The following SMURF1 variants were observed in gnomAD, a reference collection of about 807,000 sequenced individuals.
SMURF1 encodes the protein SMAD specific E3 ubiquitin protein ligase 1, also known as E3 ubiquitin-protein ligase SMURF1.
SMURF1 carries 44 observed loss-of-function variants against 98.0 expected under a neutral mutation model. The ratio of observed to expected loss-of-function variants is 0.45; its 90% confidence interval spans 0.35 to 0.58. The LOEUF is 0.58. SMURF1 is among the 20% of genes least tolerant of loss of function. The pLI, the probability that SMURF1 is intolerant of heterozygous loss-of-function variation, is 0.00. For missense variants in SMURF1, 687 were observed against 938.4 expected (o/e 0.73, Z 3.50); for synonymous variants, 396 against 374.9 (o/e 1.06, Z -0.65).
intron 1 of SMURF1, among the ~76,000 whole-genome samples, chr7:99,120,365 G>A (rs1797582109): frequency 6.6e-6 from 1 of 151,978 alleles, no homozygotes; most frequent in Admixed American, 6.5e-5. Flanking sequence ...ACAGGCATCA[G>A]ACAAAAAGAT....
At chr7:99,036,038 G>T (rs753187279) in intron 15 of SMURF1, 30 of 380,020 alleles carry the variant, frequency 7.9e-5, no homozygotes, top group Non-Finnish European at 1.2e-4. Flanking sequence ...ACACTGAACA[G>T]AGCTAACCAT....
At chr7:99,092,844 T>A (rs563543714) in intron 1 of SMURF1, among the ~76,000 whole-genome samples, 10 of 152,250 alleles carry the variant, frequency 6.6e-5, no homozygotes, top group Middle Eastern at 3.4e-3. Flanking sequence ...TCGAAGACAA[T>A]GTTGCAACTT....
intron 1 of SMURF1, among the ~76,000 whole-genome samples, chr7:99,091,842 G>A (rs1220773184): frequency 6.6e-6 from 1 of 152,146 alleles, no homozygotes; most frequent in East Asian, 1.9e-4. Context: ...TCACCTGGAT[G>A]CATTAGGTGC....
intron 1 of SMURF1, among the ~76,000 whole-genome samples, chr7:99,126,363 T>TA (rs1042765954): frequency 1.3e-5 from 2 of 151,190 alleles, no homozygotes; most frequent in African/African-American, 4.9e-5. Flanking sequence ...TTTTTTTTTT[T>TA]AATTATGGGC....
chr7:99,112,520 G>T (rs766425281), intron 1 of SMURF1, among the ~76,000 whole-genome samples: 13 of 152,160 alleles, frequency 8.5e-5, no homozygotes, highest in Non-Finnish European at 1.9e-4. Flanking sequence ...TCCACAGGGA[G>T]GGGGAGCATC....
At chr7:99,126,798 T>C (rs1797756173) in intron 1 of SMURF1, among the ~76,000 whole-genome samples, 1 of 152,274 alleles carries the variant, frequency 6.6e-6, no homozygotes, top group Admixed American at 6.5e-5. Context: ...GCTTTTTTGT[T>C]CTTAAGCATT....
At chr7:99,075,854 C>T (rs746403419) in intron 1 of SMURF1, among the ~76,000 whole-genome samples, 13 of 151,970 alleles carry the variant, frequency 8.6e-5, no homozygotes, top group African/African-American at 2.9e-4. Context: ...TGTCTTGGCA[C>T]CTTTGAAGAA....
intron 1 of SMURF1, 46 bp downstream of exon 1, chr7:99,143,680 G>C (rs1199859822): frequency 3.3e-6 from 5 of 1,501,510 alleles, no homozygotes; most frequent in Non-Finnish European, 3.6e-6. Context: ...ATTCCGGGGC[G>C]GGCGAGGGGG....
At chr7:99,059,926 C>G (rs1479315072) in intron 3 of SMURF1, among the ~76,000 whole-genome samples, 1 of 146,902 alleles carries the variant, frequency 6.8e-6, no homozygotes, top group Admixed American at 6.9e-5. Context: ...AAAAAAAATG[C>G]ATTTTTTAGG....
Position 99,027,670 on chromosome 7 carries a change from C to A in SMURF1, c.*2914G>T, listed in dbSNP as rs1285964592. 6.6e-6 allele frequency: 1 copy of A among 152,622 alleles called. No homozygotes were observed. The highest frequency in any genetic ancestry group is 1.5e-5 in the Non-Finnish European group (1 of 68,034). 9.5% of individuals were successfully genotyped at this position (152,622 alleles called of 1,614,324 possible). A position where few individuals can be genotyped will look rare whatever the true frequency, so the allele number is the denominator to read the frequency against. On this transcript the variant is annotated 3_prime_UTR_variant, in exon 18 of 18. Coordinates refer to ENST00000361368, the MANE Select transcript of SMURF1 (RefSeq NM_181349.3). ...AAGGATAACAAGGATAGCAGCAATA[C>A]TTCAAAACAAGACATTACAAAATAA...
chr7:99,116,764 C>A (rs1411826199), intron 1 of SMURF1, among the ~76,000 whole-genome samples: 4 of 152,126 alleles, frequency 2.6e-5, no homozygotes, highest in Non-Finnish European at 5.9e-5. Flanking sequence ...TATTAGATGA[C>A]AATATTCCTA....
intron 1 of SMURF1, among the ~76,000 whole-genome samples, chr7:99,065,201 C>T (rs1250513695): frequency 6.6e-6 from 1 of 151,750 alleles, no homozygotes; most frequent in Non-Finnish European, 1.5e-5. Context: ...CTCAGGTGAG[C>T]CTCCCACCAC....
Position 99,035,676 on chromosome 7 carries a change from C to T in SMURF1, c.1850G>A (p.Trp617Ter), listed in dbSNP as rs749423545. Residue 617 changes from tryptophan (W) to a stop codon, truncating the protein, a stop_gained, in exon 16 of 18, where the codon TGG (tryptophan) becomes TAG (stop). Coordinates refer to ENST00000361368, the MANE Select transcript of SMURF1 (RefSeq NM_181349.3). LOFTEE classifies it high-confidence loss of function. ...GTGCTTCAGCCGCGTGTTCGACTTC[C>T]AGTCGTTCAAGTCTATTTTATCCAG... ...GGLDKIDLND[W>*]KSNTRLKHCV... The T allele has an allele frequency of 6.2e-7, 1 of 1,614,196 alleles. No individual in the cohort carries two copies. Among genetic ancestry groups the T allele is most frequent in the Non-Finnish European group, 8.5e-7 (1 of 1,180,024 alleles).
rs1795678355 is a variant in SMURF1 at position 99,049,267 on chromosome 7, C to A, written c.953+296G>T. 8.5e-6 allele frequency: 3 copies of A among 352,802 alleles called. No homozygotes were observed. In the South Asian group the frequency reaches 8.6e-5, roughly 10 times the overall value. 21.9% of individuals were successfully genotyped at this position (352,802 alleles called of 1,614,324 possible). ...TTCTCAACCTAAGGGCCACGTGTCT[C>A]ATGAGAGCGCTGCGTGCGGAAACTT... On this transcript the variant is annotated intron_variant, in intron 9 of 17. Coordinates refer to ENST00000361368, the MANE Select transcript of SMURF1 (RefSeq NM_181349.3).
chr7:99,113,539 G>A (rs534227583), intron 1 of SMURF1, among the ~76,000 whole-genome samples: 1 of 152,178 alleles, frequency 6.6e-6, no homozygotes, highest in African/African-American at 2.4e-5. Context: ...CTTTCAAGCT[G>A]AAACAAAAGA....
At chr7:99,066,993 T>C (rs1796210655) in intron 1 of SMURF1, among the ~76,000 whole-genome samples, 1 of 117,066 alleles carries the variant, frequency 8.5e-6, no homozygotes, top group South Asian at 2.9e-4. Context: ...TTTGGATTTT[T>C]TTTTCTTTTT....
intron 5 of SMURF1, among the ~76,000 whole-genome samples, chr7:99,056,880 G>A (rs1229094737): frequency 2.6e-5 from 4 of 151,036 alleles, no homozygotes; most frequent in Non-Finnish European, 4.4e-5. Flanking sequence ...GCACACACCT[G>A]TGGTCCCAAG....
intron 3 of SMURF1, among the ~76,000 whole-genome samples, 194 bp downstream of exon 3, chr7:99,060,401 AAAAG>A (rs1222473126): frequency 6.6e-6 from 1 of 151,898 alleles, no homozygotes; most frequent in Admixed American, 6.6e-5. Context: ...AAAAAAAGAA[AAAAG>A]AAAGTAACAA....
At chr7:99,042,373 T>C in intron 11 of SMURF1, 141 bp from the exon 12 acceptor site, 1 of 582,100 alleles carries the variant, frequency 1.7e-6, no homozygotes, top group Non-Finnish European at 3.0e-6. Context: ...TCTGCCTTCC[T>C]GGTCCAAGTG....
Sources: allele counts gnomAD v4.1 joint callset (sites outside exome capture counted in the v4.1 genomes callset), GRCh38; gene constraint gnomAD v4.1.1; transcripts MANE v1.5; gene names NCBI Gene and HGNC (gene_info 2026-07-23, HGNC 2026-07-21).